The following PARD3 variants were observed in gnomAD, a reference collection of about 807,000 sequenced individuals.
The protein encoded by PARD3 is partitioning defective 3 homolog.
Under a neutral mutation model 155.4 loss-of-function variants are expected in PARD3, and 75 were observed. The ratio of observed to expected loss-of-function variants is 0.48; its 90% CI spans 0.40 to 0.58. The LOEUF (loss-of-function observed/expected upper bound fraction) is 0.58. Among genes scored for constraint, PARD3 ranks in the 20% least tolerant of loss-of-function variants. The pLI, the probability that PARD3 is intolerant of heterozygous loss-of-function variation, is 0.00. For synonymous variants in PARD3, 576 were observed against 610.5 expected, an observed-to-expected ratio of 0.94 and a Z score of 0.83; for missense variants, 1,642 against 1,721.7, an observed-to-expected ratio of 0.95 and a Z score of 0.82.
chr10:34,610,284 C>G (rs2090783965), intron 2 of PARD3, among the ~76,000 whole-genome samples: 1 of 152,092 alleles, frequency 6.6e-6, no homozygotes, highest in South Asian at 2.1e-4. Context: ...GTGAAAGTTG[C>G]TGAATGCTCT....
rs11009753 is a variant in PARD3, at chr10:34,361,843, T to A, written c.1708-1584A>T. On this transcript the variant is annotated intron_variant, in intron 12 of 24. Transcript: ENST00000374788. ...ACTTGCTAATGGGTTAAAAAAAAAA[T>A]TAAAACTTATATAATGAAGAACTCA... Among the ~76,000 whole-genome samples the A allele has an allele frequency of 2.7e-3, 411 of 151,490 alleles. 1 individual carries two copies. The highest frequency in any genetic ancestry group is 9.3e-3 in the African/African-American group (385 of 41,414).
intron 1 of PARD3, among the ~76,000 whole-genome samples, chr10:34,751,980 G>A (rs569234578): frequency 1.8e-3 from 269 of 152,130 alleles, no homozygotes; most frequent in South Asian, 9.0e-3. Flanking sequence ...CGGACTTTGC[G>A]AGTAGGTTTG....
At chr10:34,196,659 T>C (rs941021132) in intron 22 of PARD3, among the ~76,000 whole-genome samples, 14 of 148,572 alleles carry the variant, frequency 9.4e-5, no homozygotes, top group South Asian at 2.2e-4. Flanking sequence ...CTGCAAGCTC[T>C]GCCTCCTGGG....
At chr10:34,375,379 T>C (rs1841124082) in intron 10 of PARD3, among the ~76,000 whole-genome samples, 1 of 152,094 alleles carries the variant, frequency 6.6e-6, no homozygotes, top group South Asian at 2.1e-4. Flanking sequence ...ATAGGTTTTC[T>C]TACACCAAAA....
At chr10:34,470,830 CAAAT>C (rs1253594715) in intron 3 of PARD3, among the ~76,000 whole-genome samples, 1 of 151,950 alleles carries the variant, frequency 6.6e-6, no homozygotes. Flanking sequence ...ATATAGTTAA[CAAAT>C]AATTTATTGT....
At chr10:34,681,209 T>C (rs572687702) in intron 2 of PARD3, among the ~76,000 whole-genome samples, 1 of 152,188 alleles carries the variant, frequency 6.6e-6, no homozygotes, top group Admixed American at 6.5e-5. Context: ...ACTCTAATAA[T>C]AGCTAAAATA....
chr10:34,218,729 A>T (rs1371102265), intron 22 of PARD3, among the ~76,000 whole-genome samples: 1 of 149,936 alleles, frequency 6.7e-6, no homozygotes, highest in East Asian at 2.0e-4. Flanking sequence ...GATGGATTGG[A>T]GAGGTCATGG....
chr10:34,379,328 T>C (rs1453003364), intron 9 of PARD3, among the ~76,000 whole-genome samples: 1 of 152,162 alleles, frequency 6.6e-6, no homozygotes, highest in African/African-American at 2.4e-5. Context: ...CTACCATAGT[T>C]ATTCTCAACA....
intron 2 of PARD3, among the ~76,000 whole-genome samples, chr10:34,633,390 G>C (rs1338650345): frequency 7.1e-6 from 1 of 140,632 alleles, no homozygotes; most frequent in Non-Finnish European, 1.5e-5. Context: ...ATTCCTCTTT[G>C]CTTCTGTGAG....
intron 1 of PARD3, among the ~76,000 whole-genome samples, chr10:34,793,842 C>T (rs1425328688): frequency 1.3e-5 from 2 of 151,884 alleles, no homozygotes; most frequent in Non-Finnish European, 2.9e-5. Flanking sequence ...CATAAGAATG[C>T]AATATTCATG....
intron 12 of PARD3, among the ~76,000 whole-genome samples, chr10:34,367,620 C>T (rs1840101385): frequency 6.6e-6 from 1 of 152,288 alleles, no homozygotes; most frequent in Admixed American, 6.5e-5. Flanking sequence ...AGGAGAATTG[C>T]TTGAGCCTGG....
rs528237820 is a variant in PARD3, at chr10:34,448,375, C to T, written c.714+1942G>A. Among the ~76,000 whole-genome samples, 9 of 151,474 alleles carry T rather than the reference C, an allele frequency of 5.9e-5. No individual in the cohort carries two copies. The South Asian group carries it at 1.7e-3, about 28-fold the overall frequency. ...GCTAACAGAGTACGATGGCAGTTAC[C>T]ACAGGGAGTTGGGTGTGGAAAAAGG... On this transcript the variant is annotated intron_variant, in intron 5 of 24. Transcript: ENST00000374788.
At chr10:34,221,812 C>T (rs776334121) in intron 22 of PARD3, among the ~76,000 whole-genome samples, 14 of 152,128 alleles carry the variant, frequency 9.2e-5, no homozygotes, top group African/African-American at 3.1e-4. Context: ...AGATACAAAC[C>T]GCTGAGTTAG....
chr10:34,515,760 AT>A (rs1329147384), intron 3 of PARD3, among the ~76,000 whole-genome samples: 1 of 152,160 alleles, frequency 6.6e-6, no homozygotes, highest in East Asian at 1.9e-4. Context: ...ATTAGGATGC[AT>A]TTTTAGAAGA....
chr10:34,772,597 G>T (rs1456006693), intron 1 of PARD3, among the ~76,000 whole-genome samples: 1 of 151,766 alleles, frequency 6.6e-6, no homozygotes, highest in East Asian at 1.9e-4. Context: ...TTCGAGACCA[G>T]CCTGGCCAAC....
intron 21 of PARD3, among the ~76,000 whole-genome samples, chr10:34,280,528 GA>G: frequency 6.6e-6 from 1 of 152,130 alleles, no homozygotes; most frequent in Non-Finnish European, 1.5e-5. Flanking sequence ...AGAGAAAACT[GA>G]AAAAGGAGGA....
At chr10:34,350,612 A>G (rs969992887) in intron 14 of PARD3, among the ~76,000 whole-genome samples, 7 of 132,704 alleles carry the variant, frequency 5.3e-5, no homozygotes, top group Non-Finnish European at 6.2e-5. Context: ...CAGCCTGGCT[A>G]ACAGAGAGAC....
rs547631534 is a variant in PARD3, at chr10:34,390,001, G to A, written c.891-5747C>T. ...CAACTTGTCTCTCTAAAACCAATGC[G>A]TATGTTATAGTTCTTTATTATAACA... On this transcript the variant is annotated intron_variant, in intron 7 of 24. Coordinates refer to ENST00000374788, the MANE Select transcript of PARD3 (RefSeq NM_001184785.2). Among the ~76,000 whole-genome samples the A allele has an allele frequency of 1.8e-4, 28 of 152,238 alleles. No homozygotes were observed. The South Asian group carries it at 3.5e-3, about 19-fold the overall frequency.
At chr10:34,293,151 C>T (rs372041379) in intron 20 of PARD3, among the ~76,000 whole-genome samples, 128 of 152,176 alleles carry the variant, frequency 8.4e-4, no homozygotes, top group African/African-American at 2.9e-3. Flanking sequence ...GATAAATACA[C>T]AAATCACTGA....
Sources: gnomAD v4.1 joint callset for allele counts (sites outside exome capture counted in the v4.1 genomes callset) on GRCh38, gnomAD v4.1.1 for gene constraint, MANE v1.5 for transcripts, NCBI Gene and HGNC (gene_info 2026-07-23, HGNC 2026-07-21) for gene names.